ARHGAP22: variants seen among roughly 807,000 people sequenced by gnomAD.
ARHGAP22 encodes rho GTPase-activating protein 22.
Under a neutral mutation model 59.1 loss-of-function variants are expected in ARHGAP22, and 48 were observed. That is an observed-to-expected ratio of 0.81 (90% CI 0.64 to 1.03). The LOEUF (loss-of-function observed/expected upper bound fraction) is 1.03. Ranked by LOEUF, ARHGAP22 falls within the 50% of genes least tolerant of loss-of-function variation. The pLI is 0.00. For synonymous variants in ARHGAP22, 445 were observed against 416.4 expected, an observed-to-expected ratio of 1.07 and a Z score of -0.84; for missense variants, 1,015 against 958.7, an observed-to-expected ratio of 1.06 and a Z score of -0.78.
chr10:48,482,622 T>G (rs141890980), intron 3 of ARHGAP22, among the ~76,000 whole-genome samples: 3 of 152,200 alleles, frequency 2.0e-5, no homozygotes, highest in Non-Finnish European at 4.4e-5. Flanking sequence ...GAGAAAGTTC[T>G]TTTCTATTTC....
At chr10:48,440,457 A>G in the ARHGAP22 span, among the ~76,000 whole-genome samples, 1 of 152,340 alleles carries the variant, frequency 6.6e-6, no homozygotes, top group Middle Eastern at 3.4e-3. Flanking sequence ...GGACCTGGCC[A>G]CAGGGATTGA....
intron 3 of ARHGAP22, among the ~76,000 whole-genome samples, chr10:48,498,577 T>G (rs1023773260): frequency 2.0e-5 from 3 of 152,098 alleles, no homozygotes; most frequent in Non-Finnish European, 4.4e-5. Flanking sequence ...GCCCTATCCT[T>G]TGTGGAGTTC....
the ARHGAP22 span, chr10:48,437,266 A>G: frequency 2.0e-5 from 3 of 152,242 alleles, no homozygotes; most frequent in African/African-American, 7.2e-5. Context: ...TTAAATTACT[A>G]CATCCAAATA....
chr10:48,569,207 A>G (rs1373457008), intron 2 of ARHGAP22, among the ~76,000 whole-genome samples: 1 of 152,196 alleles, frequency 6.6e-6, no homozygotes, highest in African/African-American at 2.4e-5. Flanking sequence ...CCTGAGTAAC[A>G]TGGTATAGAC....
intron 2 of ARHGAP22, among the ~76,000 whole-genome samples, chr10:48,581,538 A>G (rs547737677): frequency 6.0e-4 from 91 of 152,218 alleles, no homozygotes; most frequent in Admixed American, 2.2e-3. Flanking sequence ...GGACAACATC[A>G]GGGTTTTCTG....
intron 3 of ARHGAP22, among the ~76,000 whole-genome samples, chr10:48,495,000 G>A (rs1183870463): frequency 2.0e-5 from 3 of 152,178 alleles, no homozygotes; most frequent in Non-Finnish European, 4.4e-5. Flanking sequence ...TCGTCAAGGA[G>A]CTGCGCCCTC....
intron 1 of ARHGAP22, among the ~76,000 whole-genome samples, chr10:48,623,761 G>A (rs1371430527): frequency 1.3e-5 from 2 of 152,220 alleles, no homozygotes; most frequent in African/African-American, 4.8e-5. Flanking sequence ...CATGGAAGCT[G>A]CTGCAGTGAG....
chr10:48,653,849 G>A (rs2062653395), upstream of ARHGAP22, among the ~76,000 whole-genome samples: 2 of 152,160 alleles, frequency 1.3e-5, no homozygotes, highest in Non-Finnish European at 2.9e-5. Flanking sequence ...GGCTAGATTT[G>A]GCAAATAAAG....
intron 8 of ARHGAP22, 42 bp downstream of exon 8, chr10:48,453,262 C>T (rs746752396): frequency 6.8e-6 from 11 of 1,610,420 alleles, no homozygotes; most frequent in Non-Finnish European, 8.5e-6. Flanking sequence ...TGAGCCCAGA[C>T]CCCGGCAGCA....
At chr10:48,520,600 A>G (rs2053714260) in intron 3 of ARHGAP22, among the ~76,000 whole-genome samples, 1 of 152,220 alleles carries the variant, frequency 6.6e-6, no homozygotes, top group Admixed American at 6.5e-5. Context: ...GAGCATAGAC[A>G]GGGACAAGAA....
intron 1 of ARHGAP22, among the ~76,000 whole-genome samples, chr10:48,642,585 A>T (rs1417317490): frequency 6.6e-6 from 1 of 152,256 alleles, no homozygotes; most frequent in Non-Finnish European, 1.5e-5. Context: ...ATAAAAATTA[A>T]TTCAAGATGG....
At chr10:48,641,747 C>T (rs986735127) in intron 1 of ARHGAP22, among the ~76,000 whole-genome samples, 1 of 152,100 alleles carries the variant, frequency 6.6e-6, no homozygotes, top group Non-Finnish European at 1.5e-5. Context: ...CTGGTCAGGG[C>T]AATCAGGCAG....
chr10:48,459,652 T>C, intron 5 of ARHGAP22, 32 bp downstream of exon 5: 1 of 1,610,688 alleles, frequency 6.2e-7, no homozygotes, highest in Non-Finnish European at 8.5e-7. Context: ...AATGGACAAA[T>C]GGCTCCACCT....
chr10:48,458,452 C>A (rs1259340114), intron 5 of ARHGAP22, among the ~76,000 whole-genome samples: 1 of 152,122 alleles, frequency 6.6e-6, no homozygotes, highest in Admixed American at 6.5e-5. Context: ...GAGACCCCCC[C>A]AGCAGGATGG....
At chr10:48,649,041 C>T (rs915765904) in intron 1 of ARHGAP22, among the ~76,000 whole-genome samples, 2 of 152,154 alleles carry the variant, frequency 1.3e-5, no homozygotes, top group Non-Finnish European at 2.9e-5. Context: ...GAGAGCCGAC[C>T]TCTCGCCCCG....
At chr10:48,534,468 T>C (rs2055165497) in intron 3 of ARHGAP22, among the ~76,000 whole-genome samples, 1 of 152,146 alleles carries the variant, frequency 6.6e-6, no homozygotes, top group South Asian at 2.1e-4. Flanking sequence ...CCTTGCCATA[T>C]GGACAAACAC....
At chr10:48,471,975 G>A (rs534384482) in intron 4 of ARHGAP22, among the ~76,000 whole-genome samples, 13 of 152,282 alleles carry the variant, frequency 8.5e-5, no homozygotes, top group South Asian at 6.2e-4. Context: ...TTGGGAGGCC[G>A]AGGTGGGTGG....
intron 4 of ARHGAP22, among the ~76,000 whole-genome samples, chr10:48,465,574 G>T (rs2047575739): frequency 6.6e-6 from 1 of 152,214 alleles, no homozygotes. Flanking sequence ...GACAGGTTCT[G>T]CCTGCCCCTG....
At chr10:48,586,698 T>C (rs1020424245) in intron 1 of ARHGAP22, among the ~76,000 whole-genome samples, 3 of 152,238 alleles carry the variant, frequency 2.0e-5, no homozygotes, top group African/African-American at 4.8e-5. Flanking sequence ...ATTTAGTAGG[T>C]ATAAAATGGC....
Sources: allele counts gnomAD v4.1 joint callset (sites outside exome capture counted in the v4.1 genomes callset), GRCh38; gene constraint gnomAD v4.1.1; transcripts MANE v1.5; gene names NCBI Gene and HGNC (gene_info 2026-07-23, HGNC 2026-07-21).